The following TCN2 variants were observed in gnomAD, a reference collection of about 807,000 sequenced individuals.
TCN2 encodes transcobalamin 2, also known as transcobalamin-2.
Under a neutral mutation model 48.6 loss-of-function variants are expected in TCN2, and 34 were observed. The observed-to-expected ratio is 0.70, with a 90% CI of 0.53 to 0.93. TCN2 has a LOEUF of 0.93. TCN2 is among the 40% of genes least tolerant of loss of function. The pLI, the probability that TCN2 is intolerant of heterozygous loss-of-function variation, is 0.00. For synonymous variants in TCN2, 283 were observed against 212.5 expected (o/e 1.33, Z -2.89); for missense variants, 652 against 526.1 (o/e 1.24, Z -2.34).
At chr22:30,620,083 G>A (rs1228054743) in intron 7 of TCN2, among the ~76,000 whole-genome samples, 2 of 152,164 alleles carry the variant, frequency 1.3e-5, no homozygotes, top group Non-Finnish European at 2.9e-5. Context: ...CTTGAGCCCA[G>A]GAGTTCAAGG....
intron 6 of TCN2, among the ~76,000 whole-genome samples, chr22:30,616,955 G>C (rs753352540): frequency 6.6e-6 from 1 of 151,666 alleles, no homozygotes; most frequent in Non-Finnish European, 1.5e-5. Flanking sequence ...TGAATGAAGA[G>C]AAGGTGAGCG....
chr22:30,623,822 A>G (rs1270523878), intron 8 of TCN2, among the ~76,000 whole-genome samples: 1 of 60,710 alleles, frequency 1.6e-5, no homozygotes, highest in East Asian at 3.4e-4. Context: ...ATACACACAC[A>G]TACACACACA....
At chr22:30,623,501 C>G (rs1022745389) in intron 8 of TCN2, among the ~76,000 whole-genome samples, 4 of 151,840 alleles carry the variant, frequency 2.6e-5, no homozygotes, top group Non-Finnish European at 4.4e-5. Context: ...GTCTGCCTGC[C>G]TCTGCCTCCC....
chr22:30,619,323 A>G (rs972081896), intron 7 of TCN2, among the ~76,000 whole-genome samples: 4 of 151,876 alleles, frequency 2.6e-5, no homozygotes, highest in Non-Finnish European at 4.4e-5. Flanking sequence ...CAAGCGATCT[A>G]CCCACCTTGG....
chr22:30,624,745 A>G (rs2087778559), intron 8 of TCN2, among the ~76,000 whole-genome samples: 1 of 152,116 alleles, frequency 6.6e-6, no homozygotes, highest in African/African-American at 2.4e-5. Flanking sequence ...TCCCAGGAGA[A>G]AAATAGCGCC....
At position 30,623,867 on chromosome 22, in the gene TCN2, T is replaced by C. The variant is rs867448835; in HGVS notation, c.1222+784T>C. ...ACATACATACACATACATACACACA[T>C]ATATACACACATATATACACACATA... On this transcript the variant is annotated intron_variant, in intron 8 of 8. Coordinates refer to ENST00000215838, the MANE Select transcript of TCN2 (RefSeq NM_000355.4). 2.4e-4 allele frequency among the ~76,000 whole-genome samples: 14 copies of C among 58,502 alleles called. 5 individuals are homozygous for C. Among genetic ancestry groups the C allele is most frequent in the Admixed American group, 1.4e-3 (7 of 4,864 alleles). The allele number at this position is 58,502 out of a possible 152,430, so 38.4% of individuals were successfully genotyped here. A position where few individuals can be genotyped will look rare whatever the true frequency, so the allele number is the denominator to read the frequency against.
chr22:30,610,678 G>A (rs1203097766), intron 1 of TCN2, among the ~76,000 whole-genome samples, 193 bp from the exon 2 acceptor site: 1 of 152,230 alleles, frequency 6.6e-6, no homozygotes, highest in Non-Finnish European at 1.5e-5. Flanking sequence ...GCTCTTTAGA[G>A]ATACACGCTT....
intron 8 of TCN2, among the ~76,000 whole-genome samples, chr22:30,626,226 T>C (rs2087807554): frequency 6.6e-6 from 1 of 152,050 alleles, no homozygotes; most frequent in Non-Finnish European, 1.5e-5. Context: ...ACAAAGACAG[T>C]GGCCCTGCCT....
chr22:30,618,802 C>T (rs1320149505), intron 7 of TCN2, among the ~76,000 whole-genome samples: 3 of 152,018 alleles, frequency 2.0e-5, no homozygotes, highest in African/African-American at 7.2e-5. Flanking sequence ...TGGAGTCTCC[C>T]TCTGTCGCCC....
intron 7 of TCN2, 176 bp downstream of exon 7, chr22:30,617,671 T>A: frequency 1.2e-6 from 1 of 833,002 alleles, no homozygotes; most frequent in Non-Finnish European, 1.9e-6. Context: ...CAGGGAGCCA[T>A]AGGCCAGCAT....
intron 8 of TCN2, among the ~76,000 whole-genome samples, chr22:30,623,778 ATATATG>A (rs1188770007): frequency 1.2e-4 from 3 of 25,520 alleles, no homozygotes; most frequent in South Asian, 9.8e-4. Context: ...ATACACACAT[ATATATG>A]TATACATATA....
At chr22:30,611,492 C>G (rs184015354) in intron 2 of TCN2, among the ~76,000 whole-genome samples, 27 of 152,310 alleles carry the variant, frequency 1.8e-4, no homozygotes, top group Admixed American at 1.7e-3. Context: ...TGACCGCATT[C>G]TTTCATACTG....
At chr22:30,625,729 G>T (rs139051387) in intron 8 of TCN2, among the ~76,000 whole-genome samples, 28 of 152,228 alleles carry the variant, frequency 1.8e-4, no homozygotes, top group Non-Finnish European at 3.5e-4. Flanking sequence ...CTCCCAAAGT[G>T]CTGGGATTCT....
Position 30,615,425 on chromosome 22 carries a change from C to G in TCN2, c.705C>G (p.Thr235=). Residue 235 remains threonine, a synonymous_variant, in exon 5 of 9, where the codon ACC becomes ACG. Coordinates refer to ENST00000215838, the MANE Select transcript of TCN2 (RefSeq NM_000355.4). ...GAGAGGAGATCTTGAAGGCCCAGAC[C>G]CCCGAGGGCCACTTTGGGAATGTCT... ...TVREEILKAQ[T]PEGHFGNVYS... 1.2e-6 allele frequency: 2 copies of G among 1,614,182 alleles called. No homozygotes were observed. Among genetic ancestry groups the G allele is most frequent in the Non-Finnish European group, 1.7e-6 (2 of 1,180,046 alleles).
intron 1 of TCN2, among the ~76,000 whole-genome samples, chr22:30,609,711 CAGAA>C (rs556961677): frequency 5.9e-5 from 9 of 152,118 alleles, no homozygotes; most frequent in East Asian, 5.8e-4. Context: ...TTCTCAGTGA[CAGAA>C]AGGGAAAAAA....
At chr22:30,620,593 T>C (rs753065411) in intron 7 of TCN2, among the ~76,000 whole-genome samples, 1 of 152,236 alleles carries the variant, frequency 6.6e-6, no homozygotes, top group Non-Finnish European at 1.5e-5. Flanking sequence ...ATAGGCTGAG[T>C]GCCCTTGGGA....
At chr22:30,609,788 A>G (rs1339961944) in intron 1 of TCN2, among the ~76,000 whole-genome samples, 1 of 152,202 alleles carries the variant, frequency 6.6e-6, no homozygotes, top group African/African-American at 2.4e-5. Flanking sequence ...GTCTGGGCCC[A>G]CACAGCAAAG....
At position 30,615,125 on chromosome 22, in the gene TCN2, A is replaced by G. The variant is rs372866837; in HGVS notation, c.581-176A>G. 1.3e-5 allele frequency among the ~76,000 whole-genome samples: 2 copies of G among 152,136 alleles called. No homozygotes were observed. The highest frequency in any genetic ancestry group is 1.9e-4 in the East Asian group (1 of 5,186). ...CAGGATTTTCAGAGTCCAGACAAGG[A>G]AAGTCTTGGGCAGACCAGGTTGAGT... is the stretch of plus-strand genomic sequence containing the variant. On this transcript the variant is annotated intron_variant, in intron 4 of 8. Coordinates refer to ENST00000215838, the MANE Select transcript of TCN2 (RefSeq NM_000355.4).
chr22:30,621,062 G>A (rs572032559), intron 7 of TCN2, among the ~76,000 whole-genome samples: 150 of 151,786 alleles, frequency 9.9e-4, no homozygotes, highest in African/African-American at 3.5e-3. Flanking sequence ...GCACGATCTC[G>A]GCTCACTGCA....
Sources: allele counts gnomAD v4.1 joint callset (sites outside exome capture counted in the v4.1 genomes callset), GRCh38; gene constraint gnomAD v4.1.1; transcripts MANE v1.5; gene names NCBI Gene and HGNC (gene_info 2026-07-23, HGNC 2026-07-21).